Variants in CSMD1 observed in about 807,000 individuals in gnomAD.
CSMD1 encodes CUB and Sushi multiple domains 1, also known as CUB and sushi domain-containing protein 1.
Under a neutral mutation model 417.5 loss-of-function variants are expected in CSMD1, and 213 were observed. The observed-to-expected ratio is 0.51, with a 90% CI of 0.46 to 0.57. The LOEUF (loss-of-function observed/expected upper bound fraction) is 0.57. CSMD1 is among the 20% of genes least tolerant of loss of function. The probability of loss-of-function intolerance (pLI) is 0.00; values close to 1 mark genes in which losing one functional copy is unlikely to be tolerated. For missense variants in CSMD1, 6,923 were observed against 4,529.7 expected, an observed-to-expected ratio of 1.53 and a Z score of -15.17; for synonymous variants, 2,862 against 1,736.8, an observed-to-expected ratio of 1.65 and a Z score of -16.11.
At chr8:3,229,699 T>C (rs1398655313) in intron 27 of CSMD1, among the ~76,000 whole-genome samples, 1 of 152,164 alleles carries the variant, frequency 6.6e-6, no homozygotes, top group Non-Finnish European at 1.5e-5. Flanking sequence ...GTTTCTATAT[T>C]AAAAATCAGA....
intron 3 of CSMD1, among the ~76,000 whole-genome samples, chr8:4,131,347 A>G (rs1455264086): frequency 1.3e-5 from 2 of 152,134 alleles, no homozygotes; most frequent in Non-Finnish European, 2.9e-5. Context: ...CCACTTGGTG[A>G]CACCTACACG....
At chr8:4,130,105 C>A (rs371557262) in intron 3 of CSMD1, among the ~76,000 whole-genome samples, 2 of 152,178 alleles carry the variant, frequency 1.3e-5, no homozygotes, top group East Asian at 3.9e-4. Flanking sequence ...AGGGCTGCTC[C>A]ATCACCATGG....
chr8:4,795,978 C>A (rs1797960946), intron 1 of CSMD1, among the ~76,000 whole-genome samples: 1 of 152,134 alleles, frequency 6.6e-6, no homozygotes, highest in African/African-American at 2.4e-5. Flanking sequence ...TTTTAAGCCT[C>A]TCTGATATGT....
In CSMD1 at chr8:4,494,642, A is replaced by G. The variant is rs181341888; in HGVS notation, c.303-74577T>C. Among the ~76,000 whole-genome samples the G allele has an allele frequency of 3.9e-5, 6 of 152,168 alleles. No homozygotes were observed. The East Asian group carries it at 9.7e-4, about 25-fold the overall frequency. On this transcript the variant is annotated intron_variant, in intron 2 of 69. Transcript: ENST00000635120. ...TTAAAAGAAAGTTCGCTTCATCCAC[A>G]TTTTTGTTACTTGGCATCTTCATCA...
At chr8:4,743,762 G>A (rs13266752) in intron 1 of CSMD1, among the ~76,000 whole-genome samples, 49,995 of 152,046 alleles carry the variant, frequency 0.33, 9,202 homozygotes, top group Admixed American at 0.47. Context: ...AGACCTTGAA[G>A]TTTTGCCTAT....
chr8:4,033,662 A>T (rs1797472752), intron 3 of CSMD1, among the ~76,000 whole-genome samples: 1 of 152,148 alleles, frequency 6.6e-6, no homozygotes, highest in South Asian at 2.1e-4. Flanking sequence ...TGGGCCACTG[A>T]TGACTCGTAT....
intron 5 of CSMD1, among the ~76,000 whole-genome samples, chr8:3,958,894 A>T (rs982434613): frequency 2.0e-5 from 3 of 152,228 alleles, no homozygotes; most frequent in Non-Finnish European, 4.4e-5. Flanking sequence ...ATATTCAGTG[A>T]ACGTGACAAT....
At chr8:3,465,119 G>C (rs1014400017) in intron 12 of CSMD1, among the ~76,000 whole-genome samples, 4 of 152,206 alleles carry the variant, frequency 2.6e-5, no homozygotes, top group South Asian at 2.1e-4. Context: ...TCTGTGAATT[G>C]TTCTTCTGTG....
At chr8:3,654,754 G>A (rs1383395302) in intron 7 of CSMD1, among the ~76,000 whole-genome samples, 1 of 152,174 alleles carries the variant, frequency 6.6e-6, no homozygotes, top group African/African-American at 2.4e-5. Flanking sequence ...CAGGGCTTGA[G>A]CTGAACGGGG....
At position 3,380,891 on chromosome 8, in the gene CSMD1, GA is replaced by G. The variant is rs113958018; in HGVS notation, c.2782+6602del. ...TGTGTCCCAGAACTTAAAGTATAATGAAAAAAAAAAAAGTTTTGGTTAGATA... is the reference window on the plus strand; with the variant it reads ...TGTGTCCCAGAACTTAAAGTATAATGAAAAAAAAAAAGTTTTGGTTAGATA... On this transcript the variant is annotated intron_variant, in intron 18 of 69. Transcript: ENST00000635120. Among the ~76,000 whole-genome samples, 1,183 of 141,456 alleles carry G rather than the reference GA, an allele frequency of 8.4e-3. 15 individuals carry two copies. Among genetic ancestry groups the G allele is most frequent in the Middle Eastern group, 0.018 (5 of 282 alleles). 92.8% of individuals were successfully genotyped at this position (141,456 alleles called of 152,430 possible).
intron 10 of CSMD1, among the ~76,000 whole-genome samples, chr8:3,495,679 G>C (rs1317441499): frequency 1.3e-5 from 2 of 152,150 alleles, no homozygotes; most frequent in East Asian, 3.9e-4. Context: ...ATAGAAGTAT[G>C]TGTATTTTAA....
At chr8:4,143,470 T>C (rs1385537498) in intron 3 of CSMD1, among the ~76,000 whole-genome samples, 2 of 150,726 alleles carry the variant, frequency 1.3e-5, no homozygotes, top group African/African-American at 5.0e-5. Flanking sequence ...AGGAGGTGTT[T>C]AATATATGGC....
At chr8:4,239,479 C>G (rs1448219776) in intron 3 of CSMD1, among the ~76,000 whole-genome samples, 1 of 152,272 alleles carries the variant, frequency 6.6e-6, no homozygotes, top group East Asian at 1.9e-4. Context: ...ATGTAGCACC[C>G]TCAGATCAGC....
intron 2 of CSMD1, among the ~76,000 whole-genome samples, chr8:4,557,636 C>G (rs1421263990): frequency 1.3e-5 from 2 of 150,358 alleles, no homozygotes; most frequent in Non-Finnish European, 1.5e-5. Context: ...TATCCCAGAA[C>G]AGAAAGGAAG....
chr8:4,173,072 C>G (rs988431622), intron 3 of CSMD1, among the ~76,000 whole-genome samples: 3 of 152,156 alleles, frequency 2.0e-5, no homozygotes, highest in Non-Finnish European at 4.4e-5. Flanking sequence ...TAAATAACTT[C>G]CATCTTAATT....
intron 52 of CSMD1, among the ~76,000 whole-genome samples, chr8:3,010,855 T>G (rs929401285): frequency 1.3e-5 from 2 of 151,900 alleles, no homozygotes; most frequent in Admixed American, 6.6e-5. Context: ...GCGATTCTCC[T>G]GCCTCAGCTT....
At chr8:3,330,176 C>T (rs567449014) in intron 23 of CSMD1, among the ~76,000 whole-genome samples, 1 of 152,254 alleles carries the variant, frequency 6.6e-6, no homozygotes, top group African/African-American at 2.4e-5. Context: ...TAAACTTCTT[C>T]AATTACTATA....
At chr8:3,661,876 C>T (rs76145982) in intron 7 of CSMD1, among the ~76,000 whole-genome samples, 1 of 152,042 alleles carries the variant, frequency 6.6e-6, no homozygotes, top group African/African-American at 2.4e-5. Context: ...AAGGACGACA[C>T]ATAGGATTTG....
intron 3 of CSMD1, among the ~76,000 whole-genome samples, chr8:4,418,645 T>C (rs1797080467): frequency 6.6e-6 from 1 of 152,110 alleles, no homozygotes; most frequent in Admixed American, 6.5e-5. Flanking sequence ...GATGCTTTTG[T>C]AATATTCTGC....
Sources: allele counts gnomAD v4.1 joint callset (sites outside exome capture counted in the v4.1 genomes callset), GRCh38; gene constraint gnomAD v4.1.1; transcripts MANE v1.5; gene names NCBI Gene and HGNC (gene_info 2026-07-23, HGNC 2026-07-21).